The following NTNG2 variants were observed in gnomAD, a reference collection of about 807,000 sequenced individuals.
NTNG2 encodes netrin-G2.
NTNG2 carries 15 observed loss-of-function variants against 47.6 expected under a neutral mutation model. The observed-to-expected ratio is 0.32, with a 90% CI of 0.21 to 0.49. NTNG2 has a LOEUF of 0.49. Ranked by LOEUF, NTNG2 falls within the 20% of genes least tolerant of loss-of-function variation. NTNG2 has a pLI of 0.99. For synonymous variants in NTNG2, 307 were observed against 324.6 expected, an observed-to-expected ratio of 0.95 and a Z score of 0.58; for missense variants, 578 against 764.6, an observed-to-expected ratio of 0.76 and a Z score of 2.88.
At chr9:132,227,096 A>G in intron 4 of NTNG2, 75 bp downstream of exon 4, 2 of 1,457,824 alleles carry the variant, frequency 1.4e-6, no homozygotes, top group Non-Finnish European at 1.8e-6. Context: ...GGAGCTGTGG[A>G]TCATACACAC....
At chr9:132,184,682 G>A (rs1055814407) in intron 2 of NTNG2, among the ~76,000 whole-genome samples, 15 of 152,330 alleles carry the variant, frequency 9.8e-5, no homozygotes, top group African/African-American at 3.6e-4. Flanking sequence ...CCAGCACTTT[G>A]GGAGGCCGAG....
At chr9:132,177,806 A>T (rs896798029) in intron 2 of NTNG2, among the ~76,000 whole-genome samples, 10 of 152,096 alleles carry the variant, frequency 6.6e-5, no homozygotes, top group African/African-American at 2.4e-4. Flanking sequence ...TACAGGCACT[A>T]GCCAGCACGC....
At chr9:132,174,781 G>A (rs1836286325) in intron 2 of NTNG2, among the ~76,000 whole-genome samples, 1 of 152,058 alleles carries the variant, frequency 6.6e-6, no homozygotes, top group African/African-American at 2.4e-5. Flanking sequence ...AATTAGCCGG[G>A]TGTGGTGGCG....
chr9:132,226,033 C>T lies in NTNG2; in HGVS notation c.858-816C>T, dbSNP rs888621715. Among the ~76,000 whole-genome samples the T allele has an allele frequency of 1.3e-5, 2 of 152,082 alleles. No individual in the cohort carries two copies. The highest frequency in any genetic ancestry group is 6.6e-5 in the Admixed American group (1 of 15,260). The stretch of plus-strand genomic sequence containing the variant: ...GGGTGGGGGTGTGTTCTTCTAGAGA[C>T]GCTCACTGTCTGCTGGCCTCTCAGT... On this transcript the variant is annotated intron_variant, in intron 3 of 7. Coordinates refer to ENST00000393229, the MANE Select transcript of NTNG2 (RefSeq NM_032536.4). The surrounding 1 kb of genome is among the most constrained non-coding windows in gnomAD (Gnocchi z 4.8).
chr9:132,175,162 G>A (rs1034189716), intron 2 of NTNG2, among the ~76,000 whole-genome samples: 1 of 152,062 alleles, frequency 6.6e-6, no homozygotes, highest in African/African-American at 2.4e-5. Flanking sequence ...TGACAGAGAG[G>A]AGACAGTCCA....
At chr9:132,212,654 T>TGGCA (rs1291672468) in intron 3 of NTNG2, among the ~76,000 whole-genome samples, 1 of 152,084 alleles carries the variant, frequency 6.6e-6, no homozygotes, top group Non-Finnish European at 1.5e-5. Context: ...CAGGTTTGAA[T>TGGCA]GGCAGTCCTT....
Position 132,231,576 on chromosome 9 carries a change from G to T in NTNG2, c.1054+981G>T, listed in dbSNP as rs1841229691. ...CTGGTCTGCACAGCCGTCGTAAGTTGCTTCTCTGTGGTGTCCCCACCCCGG... is the reference window on the plus strand; with the variant it reads ...CTGGTCTGCACAGCCGTCGTAAGTTTCTTCTCTGTGGTGTCCCCACCCCGG... On this transcript the variant is annotated intron_variant, in intron 5 of 7. Coordinates refer to ENST00000393229, the MANE Select transcript of NTNG2 (RefSeq NM_032536.4). This position sits in a 1 kb window ranked among gnomAD's most constrained non-coding sequence, Gnocchi z 4.1. 1.3e-5 allele frequency: 4 copies of T among 315,714 alleles called. No individual in the cohort carries two copies. The highest frequency in any genetic ancestry group is 9.1e-5 in the South Asian group (4 of 43,918). The allele number at this position is 315,714 out of a possible 1,614,324, so 19.6% of individuals were successfully genotyped here.
chr9:132,162,029 C>T (rs1835069612), upstream of NTNG2: 1 of 149,414 alleles, frequency 6.7e-6, no homozygotes, highest in African/African-American at 2.4e-5. This position sits in a 1 kb window ranked among gnomAD's most constrained non-coding sequence, Gnocchi z 4.6. Flanking sequence ...CGGGCGGCCC[C>T]CCCGGCGGCC....
chr9:132,235,748 C>T (rs1841576659), intron 5 of NTNG2, among the ~76,000 whole-genome samples: 2 of 152,212 alleles, frequency 1.3e-5, no homozygotes, highest in South Asian at 4.1e-4. Flanking sequence ...TGTGATGGGC[C>T]TGAGACCCCG....
At chr9:132,195,474 ATTTTTTTTTTTTTT>A (rs56733654) in intron 2 of NTNG2, among the ~76,000 whole-genome samples, 4 of 80,118 alleles carry the variant, frequency 5.0e-5, no homozygotes, top group East Asian at 6.8e-4. Flanking sequence ...ACGCCTGGCT[ATTTTTTTTTTTTTT>A]TTTTTTTTTT....
Position 132,208,543 on chromosome 9 carries a change from G to A in NTNG2, c.857+9934G>A, listed in dbSNP as rs576859743. On this transcript the variant is annotated intron_variant, in intron 3 of 7. Coordinates refer to ENST00000393229, the MANE Select transcript of NTNG2 (RefSeq NM_032536.4). This position sits in a 1 kb window ranked among gnomAD's most constrained non-coding sequence, Gnocchi z 4.0. ...CCGGGTTCTGGCAGGGACAGGGGCT[G>A]TGATGTGGGCCGCCTGGAGGTGGTC... 5.9e-5 allele frequency among the ~76,000 whole-genome samples: 9 copies of A among 152,206 alleles called. 1 individual carries two copies. The South Asian group carries it at 1.9e-3, about 32-fold the overall frequency.
At chr9:132,164,299 C>A (rs1480614710) in intron 1 of NTNG2, among the ~76,000 whole-genome samples, 1 of 152,110 alleles carries the variant, frequency 6.6e-6, no homozygotes, top group Non-Finnish European at 1.5e-5. Flanking sequence ...AGTTGCGCCG[C>A]GCGCGCCGCT....
At position 132,240,846 on chromosome 9, in the gene NTNG2, G is replaced by C. The variant is rs923560331; in HGVS notation, c.1223-64G>C. The C allele has an allele frequency of 2.5e-6, 4 of 1,609,056 alleles. No individual in the cohort carries two copies. The Admixed American group carries it at 5.0e-5, about 20-fold the overall frequency. ...TGCTCCCTGCGAGGCCGGGAGAGTG[G>C]GGGTCCGAGAAGACGGCGCCCACAC... is the stretch of plus-strand genomic sequence containing the variant. On this transcript the variant is annotated intron_variant, in intron 6 of 7. Transcript: ENST00000393229.
rs1184235781 is a variant in NTNG2, at chr9:132,242,072, CCTG to C, written c.1564_1566del (p.Leu522del). On this transcript the variant is annotated inframe_deletion, in exon 8 of 8. Transcript: ENST00000393229. The surrounding 1 kb of genome is among the most constrained non-coding windows in gnomAD (Gnocchi z 5.9). The stretch of plus-strand genomic sequence containing the variant: ...CGCGCCCCGCCACCCTGCTCGGCTG[CCTG>C]CTGCTGCTGGGGCTGGCCGCCCGCC... The C allele has an allele frequency of 1.3e-5, 16 of 1,210,490 alleles. No homozygotes were observed. The highest frequency in any genetic ancestry group is 3.6e-5 in the South Asian group (1 of 27,752). The allele number at this position is 1,210,490 out of a possible 1,614,324, so 75.0% of individuals were successfully genotyped here.
intron 2 of NTNG2, among the ~76,000 whole-genome samples, chr9:132,181,739 T>C (rs1262740035): frequency 6.6e-6 from 1 of 152,252 alleles, no homozygotes; most frequent in Non-Finnish European, 1.5e-5. Flanking sequence ...CACAGAAGTC[T>C]TAAGGTAGAG....
chr9:132,168,874 C>T (rs991304222), intron 2 of NTNG2, among the ~76,000 whole-genome samples: 2 of 152,192 alleles, frequency 1.3e-5, no homozygotes, highest in Admixed American at 6.5e-5. Flanking sequence ...AGCTTTGGGT[C>T]GAGGGCTTGA....
In NTNG2 at chr9:132,187,359, G is replaced by A. The variant is rs28677798; in HGVS notation, c.214-10607G>A. On this transcript the variant is annotated intron_variant, in intron 2 of 7. Transcript: ENST00000393229. ...CCAGCTGCAGCTCCAGCCCTAAAAT[G>A]CCAGGTTGGTTTACGCTGATTCACG... is the stretch of plus-strand genomic sequence containing the variant. Among the ~76,000 whole-genome samples the A allele has an allele frequency of 7.5e-3, 1,143 of 152,314 alleles. 25 individuals are homozygous for A. The highest frequency in any genetic ancestry group is 0.025 in the African/African-American group (1,045 of 41,556).
chr9:132,199,695 G>A (rs1205540147), intron 3 of NTNG2, among the ~76,000 whole-genome samples: 1 of 148,272 alleles, frequency 6.7e-6, no homozygotes, highest in African/African-American at 2.7e-5. Context: ...AGACCCGCAG[G>A]CAAACATGGA....
At chr9:132,235,025 G>T (rs1841516851) in intron 5 of NTNG2, among the ~76,000 whole-genome samples, 1 of 152,214 alleles carries the variant, frequency 6.6e-6, no homozygotes, top group South Asian at 2.1e-4. Context: ...TGCCTGCCTT[G>T]CTGGCTGTGT....
Sources: gnomAD v4.1 joint callset for allele counts (sites outside exome capture counted in the v4.1 genomes callset) on GRCh38, gnomAD v4.1.1 for gene constraint, Gnocchi (gnomAD v3.1) non-coding constraint, MANE v1.5 for transcripts, NCBI Gene and HGNC (gene_info 2026-07-23, HGNC 2026-07-21) for gene names.